The following PCDHAC2 variants were observed in gnomAD, a reference collection of about 807,000 sequenced individuals.
The protein encoded by PCDHAC2 is protocadherin alpha-C2.
Under a neutral mutation model 63.3 loss-of-function variants are expected in PCDHAC2, and 24 were observed. That is an observed-to-expected ratio of 0.38 (90% confidence interval 0.27 to 0.53). The LOEUF (loss-of-function observed/expected upper bound fraction) is 0.53. Ranked by LOEUF, PCDHAC2 falls within the 20% of genes least tolerant of loss-of-function variation. The pLI, the probability that PCDHAC2 is intolerant of heterozygous loss-of-function variation, is 0.81. For missense variants in PCDHAC2, 1,181 were observed against 1,275.2 expected (o/e 0.93, Z 1.12); for synonymous variants, 569 against 529.4 (o/e 1.07, Z -1.03).
chr5:141,008,074 G>A (rs1484978543), intron 3 of PCDHAC2, among the ~76,000 whole-genome samples: 1 of 151,988 alleles, frequency 6.6e-6, no homozygotes, highest in Non-Finnish European at 1.5e-5. Flanking sequence ...AGAACTTATT[G>A]GGGTTATTCT....
rs1554262808 is a variant in PCDHAC2, at chr5:141,010,232, A to T, written c.*295A>T. On this transcript the variant is annotated 3_prime_UTR_variant, in exon 4 of 4. Coordinates refer to ENST00000289269, the MANE Select transcript of PCDHAC2 (RefSeq NM_018899.6). ...AAAGGAGAGGCTTCCCAGCCCCGCC[A>T]GTGAGAGGTTGGACTCTCTGCCCTG... 6.4e-7 allele frequency: 1 copy of T among 1,551,952 alleles called. No homozygotes were observed. The highest frequency in any genetic ancestry group is 2.0e-5 in the Admixed American group (1 of 51,018).
chr5:140,966,656 G>A lies in PCDHAC2; in HGVS notation c.-111G>A. On this transcript the variant is annotated 5_prime_UTR_variant, in exon 1 of 4. Coordinates refer to ENST00000289269, the MANE Select transcript of PCDHAC2 (RefSeq NM_018899.6). ...GGCGCTTTCTAGAGCGTGAGCGGTG[G>A]GGGAGCAGGCGCAGGGTGGCACGAG... is the stretch of plus-strand genomic sequence containing the variant. 8.3e-7 allele frequency: 1 copy of A among 1,203,372 alleles called. No individual in the cohort carries two copies. The highest frequency in any genetic ancestry group is 3.0e-5 in the East Asian group (1 of 32,952). The allele number at this position is 1,203,372 out of a possible 1,614,324, so 74.5% of individuals were successfully genotyped here. A position where few individuals can be genotyped will look rare whatever the true frequency, so the allele number is the denominator to read the frequency against.
Position 140,967,929 on chromosome 5 carries a change from G to A in PCDHAC2, c.1163G>A (p.Ser388Asn), listed in dbSNP as rs1554230126. 5 of 1,614,096 alleles carry A rather than the reference G, an allele frequency of 3.1e-6. No homozygotes were observed. The South Asian group carries it at 4.4e-5, about 14-fold the overall frequency. ...CCCAACACCATTGTGGCCGTTCTCAGTGTCAATGACCAAGACTCAGGCCCC... is the reference window on the plus strand; with the variant it reads ...CCCAACACCATTGTGGCCGTTCTCAATGTCAATGACCAAGACTCAGGCCCC... Reference protein sequence around the residue: ...ATPNTIVAVLSVNDQDSGPNR... With the variant: ...ATPNTIVAVLNVNDQDSGPNR... Residue 388 changes from serine to asparagine, a missense_variant, in exon 1 of 4, where the codon AGT becomes AAT. Physicochemically the swap from Ser to Asn is conservative, Grantham distance 46. Coordinates refer to ENST00000289269, the MANE Select transcript of PCDHAC2 (RefSeq NM_018899.6).
At chr5:140,993,673 TG>T (rs2097577380) in intron 3 of PCDHAC2, among the ~76,000 whole-genome samples, 1 of 152,322 alleles carries the variant, frequency 6.6e-6, no homozygotes, top group East Asian at 1.9e-4. Context: ...GGACCACATA[TG>T]TGACAGCTGT....
At chr5:141,005,701 CAAAAAAAAAAAAAAAAAAAA>C (rs59860837) in intron 3 of PCDHAC2, among the ~76,000 whole-genome samples, 1 of 7,786 alleles carries the variant, frequency 1.3e-4, no homozygotes, top group Admixed American at 1.6e-3. Flanking sequence ...AACTCCGTCT[CAAAAAAAAAAAAAAAAAAAA>C]AAAAAAAAAA....
In PCDHAC2 at chr5:140,969,069, T is replaced by G; in HGVS notation, c.2303T>G (p.Ile768Arg). The change falls in exon 1 of 4, where the codon ATA becomes AGA. Residue 768 changes from isoleucine to arginine, a missense_variant. Physicochemically the swap from Ile to Arg is moderately conservative, Grantham distance 97. Coordinates refer to ENST00000289269, the MANE Select transcript of PCDHAC2 (RefSeq NM_018899.6). ...KQANNNIDAR[I>R]PHGLKVQPHF... ...GCCAACAACAATATTGATGCCAGGA[T>G]ACCGCATGGCCTCAAAGTGCAGCCT... 6.2e-7 allele frequency: 1 copy of G among 1,614,160 alleles called. No homozygotes were observed. Among genetic ancestry groups the G allele is most frequent in the Non-Finnish European group, 8.5e-7 (1 of 1,180,022 alleles).
At chr5:140,974,496 T>C (rs1554236114) in intron 1 of PCDHAC2, among the ~76,000 whole-genome samples, 1 of 152,198 alleles carries the variant, frequency 6.6e-6, no homozygotes, top group Non-Finnish European at 1.5e-5. Flanking sequence ...TCAAATGTAT[T>C]ACCTTTGTGT....
chr5:141,005,475 G>A (rs1011400158), intron 3 of PCDHAC2, among the ~76,000 whole-genome samples: 8 of 151,670 alleles, frequency 5.3e-5, no homozygotes, highest in African/African-American at 1.9e-4. Flanking sequence ...AGGCCGAGAC[G>A]GGCGGATCAT....
chr5:140,988,059 T>C (rs1587274242), intron 3 of PCDHAC2, among the ~76,000 whole-genome samples: 1 of 152,324 alleles, frequency 6.6e-6, no homozygotes, highest in East Asian at 1.9e-4. Flanking sequence ...ACTGTCAACA[T>C]GAATTTTTCT....
intron 3 of PCDHAC2, among the ~76,000 whole-genome samples, chr5:140,996,183 T>C (rs1360004898): frequency 6.6e-6 from 1 of 152,232 alleles, no homozygotes; most frequent in African/African-American, 2.4e-5. Context: ...AGCACCTCCA[T>C]TTTATACCCT....
chr5:140,969,408 T>C (rs2096327357), intron 1 of PCDHAC2, 77 bp downstream of exon 1: 6 of 1,573,824 alleles, frequency 3.8e-6, no homozygotes, highest in Non-Finnish European at 5.2e-6. Flanking sequence ...GATTTGGCTT[T>C]ATTGAGTCAT....
chr5:140,994,784 A>G (rs1245945274), intron 3 of PCDHAC2, among the ~76,000 whole-genome samples: 2 of 152,202 alleles, frequency 1.3e-5, no homozygotes, highest in Non-Finnish European at 2.9e-5. Flanking sequence ...CAAAGGAAAC[A>G]ATGCGTGCAT....
chr5:140,969,428 CAA>C lies in PCDHAC2; in HGVS notation c.2565+98_2565+99del, dbSNP rs2096329692. The stretch of plus-strand genomic sequence containing the variant: ...GGCTTTATTGAGTCATTAACAGTGA[CAA>C]GAGTTATCTGGTAAACTGAGTATAT... On this transcript the variant is annotated intron_variant, in intron 1 of 3. Coordinates refer to ENST00000289269, the MANE Select transcript of PCDHAC2 (RefSeq NM_018899.6). 8.4e-6 allele frequency: 13 copies of C among 1,555,028 alleles called. No homozygotes were observed. The East Asian group carries it at 1.4e-4, about 17-fold the overall frequency.
chr5:140,982,789 G>A (rs894929116), intron 3 of PCDHAC2, among the ~76,000 whole-genome samples: 3 of 151,400 alleles, frequency 2.0e-5, no homozygotes, highest in Admixed American at 6.5e-5. Context: ...GTGCACGCAT[G>A]TGTGCATGTG....
At chr5:141,008,985 A>G (rs566679512) in intron 3 of PCDHAC2, among the ~76,000 whole-genome samples, 2 of 152,240 alleles carry the variant, frequency 1.3e-5, no homozygotes, top group South Asian at 4.1e-4. Context: ...AGTTTAATCT[A>G]GACACTAAAA....
chr5:140,972,978 A>G (rs1392208477), intron 1 of PCDHAC2, among the ~76,000 whole-genome samples: 1 of 152,058 alleles, frequency 6.6e-6, no homozygotes, highest in African/African-American at 2.4e-5. Flanking sequence ...ACCAAATCTT[A>G]AGGTAGATTC....
intron 3 of PCDHAC2, among the ~76,000 whole-genome samples, chr5:140,985,009 C>T (rs567801905): frequency 9.3e-4 from 141 of 152,162 alleles, no homozygotes; most frequent in African/African-American, 3.3e-3. Flanking sequence ...ACGATATCGG[C>T]TCACAGCAAC....
At chr5:141,000,589 A>G (rs1234300694) in intron 3 of PCDHAC2, among the ~76,000 whole-genome samples, 3 of 150,422 alleles carry the variant, frequency 2.0e-5, no homozygotes, top group Admixed American at 2.0e-4. Context: ...CACCATGCCC[A>G]GCTAATTTTT....
At chr5:141,002,797 G>A (rs1025670333) in intron 3 of PCDHAC2, among the ~76,000 whole-genome samples, 2 of 152,190 alleles carry the variant, frequency 1.3e-5, no homozygotes, top group African/African-American at 4.8e-5. Context: ...TATGGATGAG[G>A]AAACTGAGGC....
Sources: allele counts gnomAD v4.1 joint callset (sites outside exome capture counted in the v4.1 genomes callset), GRCh38; gene constraint gnomAD v4.1.1; transcripts MANE v1.5; gene names NCBI Gene and HGNC (gene_info 2026-07-23, HGNC 2026-07-21).